The following DOK6 variants were observed in gnomAD, a reference collection of about 807,000 sequenced individuals.
DOK6 encodes docking protein 6.
Under a neutral mutation model 44.0 loss-of-function variants are expected in DOK6, and 22 were observed. The observed-to-expected ratio is 0.50, with a 90% CI of 0.36 to 0.71. DOK6 has a LOEUF of 0.71. DOK6 is among the 30% of genes least tolerant of loss of function. DOK6 has a pLI of 0.00. For synonymous variants in DOK6, 166 were observed against 145.5 expected, an observed-to-expected ratio of 1.14 and a Z score of -1.01; for missense variants, 340 against 416.4, an observed-to-expected ratio of 0.82 and a Z score of 1.60.
intron 7 of DOK6, among the ~76,000 whole-genome samples, chr18:69,809,717 C>G (rs1981165111): frequency 6.6e-6 from 1 of 151,538 alleles, no homozygotes; most frequent in Non-Finnish European, 1.5e-5. Flanking sequence ...CAAAATAATC[C>G]TATTTATAAT....
intron 1 of DOK6, among the ~76,000 whole-genome samples, chr18:69,497,455 A>C (rs1980924693): frequency 6.6e-6 from 1 of 152,246 alleles, no homozygotes; most frequent in South Asian, 2.1e-4. Context: ...AGAATCGTTC[A>C]TGTGGCTGGA....
intron 1 of DOK6, among the ~76,000 whole-genome samples, chr18:69,464,049 A>G (rs1248377529): frequency 2.0e-5 from 3 of 152,316 alleles, no homozygotes; most frequent in South Asian, 2.1e-4. Flanking sequence ...CAGCATAAAG[A>G]TCTGGACCGT....
intron 1 of DOK6, among the ~76,000 whole-genome samples, chr18:69,527,531 A>G (rs1337847799): frequency 1.3e-4 from 20 of 152,184 alleles, no homozygotes; most frequent in Non-Finnish European, 1.5e-5. Flanking sequence ...ACCACCTCCC[A>G]CTGGGTCCCT....
At chr18:69,472,701 C>T (rs1004293775) in intron 1 of DOK6, among the ~76,000 whole-genome samples, 3 of 152,144 alleles carry the variant, frequency 2.0e-5, no homozygotes, top group South Asian at 4.2e-4. Context: ...TGCATACATA[C>T]GTATACACAT....
chr18:69,768,872 C>T (rs756319609), intron 7 of DOK6, among the ~76,000 whole-genome samples: 5 of 151,056 alleles, frequency 3.3e-5, no homozygotes, highest in East Asian at 2.0e-4. Flanking sequence ...CTTCGAACTT[C>T]GAACCACCCA....
At chr18:69,523,389 T>C (rs1981741421) in intron 1 of DOK6, among the ~76,000 whole-genome samples, 1 of 152,068 alleles carries the variant, frequency 6.6e-6, no homozygotes, top group Non-Finnish European at 1.5e-5. Context: ...CCACAAGTGG[T>C]TTCTAAACAG....
chr18:69,739,955 A>G (rs1978745095), intron 6 of DOK6, among the ~76,000 whole-genome samples: 1 of 152,178 alleles, frequency 6.6e-6, no homozygotes, highest in Non-Finnish European at 1.5e-5. Context: ...ATTCTATGAA[A>G]CATTTTGAAG....
chr18:69,524,223 A>G (rs1981767521), intron 1 of DOK6, among the ~76,000 whole-genome samples: 1 of 152,052 alleles, frequency 6.6e-6, no homozygotes, highest in Non-Finnish European at 1.5e-5. Flanking sequence ...CATAAGAATT[A>G]AAGTTACATG....
intron 5 of DOK6, among the ~76,000 whole-genome samples, chr18:69,717,128 A>G (rs1247916357): frequency 1.3e-5 from 2 of 152,242 alleles, no homozygotes; most frequent in Non-Finnish European, 2.9e-5. Context: ...TCTGGTCTAA[A>G]GAATAATTCT....
chr18:69,444,893 A>G (rs1979239328), intron 1 of DOK6, among the ~76,000 whole-genome samples: 1 of 152,178 alleles, frequency 6.6e-6, no homozygotes, highest in Non-Finnish European at 1.5e-5. Flanking sequence ...AATGGAAATT[A>G]CATTGATTCT....
At chr18:69,484,765 T>C (rs1165617364) in intron 1 of DOK6, among the ~76,000 whole-genome samples, 1 of 152,150 alleles carries the variant, frequency 6.6e-6, no homozygotes, top group African/African-American at 2.4e-5. Flanking sequence ...CTCCTTAAGG[T>C]GCACCACAGC....
Position 69,845,730 on chromosome 18 carries a change from G to A in DOK6, c.*4347G>A, listed in dbSNP as rs922988944. On this transcript the variant is annotated 3_prime_UTR_variant, in exon 8 of 8. Coordinates refer to ENST00000382713, the MANE Select transcript of DOK6 (RefSeq NM_152721.6). ...CATGGGCTTGGCTTTCTTCCCTGTC[G>A]CCTCATACTGAGTATGCAATTTACA... The A allele has an allele frequency of 2.6e-5, 4 of 152,026 alleles. No homozygotes were observed. Among genetic ancestry groups the A allele is most frequent in the Non-Finnish European group, 4.4e-5 (3 of 68,020 alleles). 9.4% of individuals were successfully genotyped at this position (152,026 alleles called of 1,614,324 possible). A position where few individuals can be genotyped will look rare whatever the true frequency, so the allele number is the denominator to read the frequency against.
At chr18:69,725,162 G>C (rs1264069918) in intron 5 of DOK6, among the ~76,000 whole-genome samples, 1 of 152,212 alleles carries the variant, frequency 6.6e-6, no homozygotes, top group Non-Finnish European at 1.5e-5. Context: ...TGGTGATCTG[G>C]AGGTGGTAGA....
At chr18:69,607,931 C>T (rs144537794) in intron 3 of DOK6, among the ~76,000 whole-genome samples, 4 of 152,204 alleles carry the variant, frequency 2.6e-5, no homozygotes, top group Admixed American at 2.6e-4. Context: ...TGTGAAAAAA[C>T]CCTTATAAAG....
At chr18:69,645,694 T>A (rs1294715287) in intron 3 of DOK6, among the ~76,000 whole-genome samples, 1 of 151,890 alleles carries the variant, frequency 6.6e-6, no homozygotes, top group East Asian at 1.9e-4. Flanking sequence ...GAAAAAAAAA[T>A]GAATACTTAG....
rs1982325020 is a variant in DOK6, at chr18:69,845,420, C to T, written c.*4037C>T. On this transcript the variant is annotated 3_prime_UTR_variant, in exon 8 of 8. Coordinates refer to ENST00000382713, the MANE Select transcript of DOK6 (RefSeq NM_152721.6). ...CATCCGTCATTAACTATATGATCTC[C>T]CAAACACAGCCTTCTCAAAATCGAT... The T allele has an allele frequency of 6.6e-6, 1 of 152,092 alleles. No individual in the cohort carries two copies. The highest frequency in any genetic ancestry group is 1.5e-5 in the Non-Finnish European group (1 of 68,028). The allele number at this position is 152,092 out of a possible 1,614,324, so 9.4% of individuals were successfully genotyped here.
chr18:69,812,176 G>T (rs1439015952), intron 7 of DOK6, among the ~76,000 whole-genome samples: 1 of 152,020 alleles, frequency 6.6e-6, no homozygotes, highest in Non-Finnish European at 1.5e-5. Flanking sequence ...GAATCTTAGC[G>T]TTGTCAGAGA....
intron 5 of DOK6, among the ~76,000 whole-genome samples, chr18:69,725,497 GTATT>G (rs1281132868): frequency 6.6e-6 from 1 of 152,140 alleles, no homozygotes; most frequent in African/African-American, 2.4e-5. Context: ...TTTTAAATAT[GTATT>G]TATTGAGACA....
At chr18:69,812,833 T>C (rs1309910423) in intron 7 of DOK6, among the ~76,000 whole-genome samples, 1 of 151,970 alleles carries the variant, frequency 6.6e-6, no homozygotes, top group Non-Finnish European at 1.5e-5. Flanking sequence ...CTGAGCAAAG[T>C]GGGAGGAGAC....
Sources: allele counts gnomAD v4.1 joint callset (sites outside exome capture counted in the v4.1 genomes callset), GRCh38; gene constraint gnomAD v4.1.1; transcripts MANE v1.5; gene names NCBI Gene and HGNC (gene_info 2026-07-23, HGNC 2026-07-21).